The following ITPK1 variants were observed in gnomAD, a reference collection of about 807,000 sequenced individuals.
ITPK1 encodes the protein inositol-tetrakisphosphate 1-kinase, also known as inositol 1,3,4-trisphosphate 5/6-kinase.
In ITPK1, 21 loss-of-function variants were observed where a neutral mutation model predicts 45.3. The ratio of observed to expected loss-of-function variants is 0.46; its 90% CI spans 0.33 to 0.67. The LOEUF (loss-of-function observed/expected upper bound fraction) is 0.67. ITPK1 is among the 30% of genes least tolerant of loss of function. The pLI, the probability that ITPK1 is intolerant of heterozygous loss-of-function variation, is 0.02. For missense variants in ITPK1, 474 were observed against 573.5 expected (o/e 0.83, Z 1.77); for synonymous variants, 258 against 253.6 (o/e 1.02, Z -0.16).
intron 3 of ITPK1, among the ~76,000 whole-genome samples, chr14:93,022,357 G>A (rs1338223159): frequency 6.6e-6 from 1 of 152,110 alleles, no homozygotes; most frequent in African/African-American, 2.4e-5. Flanking sequence ...GCTAATGCTG[G>A]GCATGCCACC....
chr14:93,007,520 G>C (rs745910194), intron 4 of ITPK1, among the ~76,000 whole-genome samples: 2 of 152,172 alleles, frequency 1.3e-5, no homozygotes, highest in African/African-American at 2.4e-5. Context: ...TGCAGGGAGA[G>C]AACAGTCATC....
At position 93,049,759 on chromosome 14, in the gene ITPK1, G is replaced by A. The variant is rs1432640681; in HGVS notation, c.120+26836C>T. 5.1e-5 allele frequency among the ~76,000 whole-genome samples: 6 copies of A among 118,586 alleles called. No homozygotes were observed. In the Admixed American group the frequency reaches 5.7e-4, roughly 11 times the overall value. 77.8% of individuals were successfully genotyped at this position (118,586 alleles called of 152,430 possible). On this transcript the variant is annotated intron_variant, in intron 3 of 10. Coordinates refer to ENST00000267615, the MANE Select transcript of ITPK1 (RefSeq NM_014216.6). ...TCACAGAACAGAAGGACGGGGGTGG[G>A]GGGTGGGTAAGGAAATATCCAGAGG...
chr14:93,061,395 C>T (rs909988399), intron 3 of ITPK1, among the ~76,000 whole-genome samples: 4 of 152,186 alleles, frequency 2.6e-5, no homozygotes, highest in Admixed American at 2.0e-4. Context: ...CCTTCCTCCT[C>T]TCCCTGGGGT....
At chr14:92,970,071 A>G (rs1349027191) in intron 5 of ITPK1, among the ~76,000 whole-genome samples, 4 of 152,126 alleles carry the variant, frequency 2.6e-5, no homozygotes, top group South Asian at 4.1e-4. Context: ...CATCCACTCC[A>G]CCAGGTGACC....
chr14:93,102,714 C>T lies in ITPK1; in HGVS notation c.95+12355G>A, dbSNP rs111740659. On this transcript the variant is annotated intron_variant, in intron 2 of 10. Coordinates refer to ENST00000267615, the MANE Select transcript of ITPK1 (RefSeq NM_014216.6). ...GCTCAAGCCTATAATCCCAACACTT[C>T]GGGAGGCTGAGACGGGCGATCGATC... Among the ~76,000 whole-genome samples the T allele has an allele frequency of 5.8e-3, 890 of 152,146 alleles. 8 individuals carry two copies. Among genetic ancestry groups the T allele is most frequent in the African/African-American group, 0.02 (831 of 41,490 alleles).
At chr14:92,963,015 C>T (rs1885172515) in intron 5 of ITPK1, 166 bp from the exon 6 acceptor site, 1 of 557,908 alleles carries the variant, frequency 1.8e-6, no homozygotes, top group Non-Finnish European at 3.2e-6. Context: ...TGAACAATAA[C>T]CACAGCCCTG....
chr14:92,938,181 A>G lies in ITPK1; in HGVS notation c.*3380T>C, dbSNP rs985161653. 5 of 481,310 alleles carry G rather than the reference A, an allele frequency of 1.0e-5. No individual in the cohort carries two copies. Among genetic ancestry groups the G allele is most frequent in the South Asian group, 5.7e-5 (2 of 35,188 alleles). 29.8% of individuals were successfully genotyped at this position (481,310 alleles called of 1,614,324 possible). On this transcript the variant is annotated 3_prime_UTR_variant, in exon 11 of 11. Transcript: ENST00000267615. The stretch of plus-strand genomic sequence containing the variant: ...CACCATGTTGGCCAGGATGGTGTCG[A>G]TCTCTTGACCTTGTGATCCACCTGC...
rs1887169649 is a variant in ITPK1 at position 92,937,204 on chromosome 14, T to C, written c.*4357A>G. The C allele has an allele frequency of 2.6e-5, 4 of 152,272 alleles. No individual in the cohort carries two copies. The South Asian group carries it at 6.2e-4, about 24-fold the overall frequency. 9.4% of individuals were successfully genotyped at this position (152,272 alleles called of 1,614,324 possible). On this transcript the variant is annotated 3_prime_UTR_variant, in exon 11 of 11. Coordinates refer to ENST00000267615, the MANE Select transcript of ITPK1 (RefSeq NM_014216.6). Reference sequence around the variant, plus strand: ...ATCTCATACATGGTCATGTATATTATGCATATGTATGTACACAAATTAAGT... The same window carrying C: ...ATCTCATACATGGTCATGTATATTACGCATATGTATGTACACAAATTAAGT...
rs970193010 is a variant in ITPK1, at chr14:93,012,235, A to C, written c.246+4441T>G. On this transcript the variant is annotated intron_variant, in intron 4 of 10. Transcript: ENST00000267615. The surrounding 1 kb of genome is among the most constrained non-coding windows in gnomAD (Gnocchi z 4.9). ...ACACAATCCCTGCCGCAGTGAAGGG[A>C]CAGACAATAGCCACTGATAAAGAAT... Among the ~76,000 whole-genome samples, 1 of 152,230 alleles carries C rather than the reference A, an allele frequency of 6.6e-6. No homozygotes were observed. The highest frequency in any genetic ancestry group is 1.5e-5 in the Non-Finnish European group (1 of 68,034).
intron 10 of ITPK1, among the ~76,000 whole-genome samples, chr14:92,944,823 T>C (rs895779137): frequency 6.6e-6 from 1 of 152,140 alleles, no homozygotes; most frequent in Non-Finnish European, 1.5e-5. Context: ...TCCTCCCCAC[T>C]GCACCCAGAG....
chr14:92,957,401 T>C lies in ITPK1; in HGVS notation c.670+800A>G, dbSNP rs1033637056. Among the ~76,000 whole-genome samples, 16 of 152,214 alleles carry C rather than the reference T, an allele frequency of 1.1e-4. 1 individual carries two copies. Among genetic ancestry groups the C allele is most frequent in the African/African-American group, 3.4e-4 (14 of 41,448 alleles). The stretch of plus-strand genomic sequence containing the variant: ...CCTTAGAGATGCCTTCAGAAGCCAC[T>C]AGAACATCCTTTCGAGCAGCTCCAC... On this transcript the variant is annotated intron_variant, in intron 8 of 10. Coordinates refer to ENST00000267615, the MANE Select transcript of ITPK1 (RefSeq NM_014216.6).
At chr14:93,098,735 C>T (rs1469178657) in intron 2 of ITPK1, among the ~76,000 whole-genome samples, 3 of 152,220 alleles carry the variant, frequency 2.0e-5, no homozygotes, top group Non-Finnish European at 4.4e-5. Context: ...CACCGAAAGG[C>T]CCATGAAGCT....
intron 2 of ITPK1, among the ~76,000 whole-genome samples, chr14:93,091,618 G>C (rs1011760497): frequency 6.6e-6 from 1 of 152,200 alleles, no homozygotes; most frequent in Non-Finnish European, 1.5e-5. Context: ...AAAATAGCAC[G>C]GTGGCTGGGC....
chr14:92,969,826 T>C (rs1885560184), intron 5 of ITPK1, among the ~76,000 whole-genome samples: 1 of 152,150 alleles, frequency 6.6e-6, no homozygotes, highest in African/African-American at 2.4e-5. Context: ...TTTGGTTGGA[T>C]GGTGGGTTGT....
chr14:92,976,982 C>T (rs746166833), intron 5 of ITPK1, among the ~76,000 whole-genome samples: 2 of 152,240 alleles, frequency 1.3e-5, no homozygotes, highest in Non-Finnish European at 2.9e-5. Context: ...AACACTGTAG[C>T]CAGTCCCAGA....
intron 8 of ITPK1, among the ~76,000 whole-genome samples, chr14:92,956,793 T>G (rs1313242966): frequency 6.6e-6 from 1 of 152,142 alleles, no homozygotes; most frequent in Non-Finnish European, 1.5e-5. Context: ...AACAGCATTT[T>G]AAAAAATGTC....
intron 5 of ITPK1, among the ~76,000 whole-genome samples, chr14:92,971,809 A>G (rs1425961648): frequency 1.3e-5 from 2 of 152,210 alleles, no homozygotes; most frequent in Admixed American, 1.3e-4. Flanking sequence ...GGACGCGGTG[A>G]GGCCACGCCC....
chr14:93,087,830 C>T (rs1891707803), intron 2 of ITPK1, among the ~76,000 whole-genome samples: 1 of 152,200 alleles, frequency 6.6e-6, no homozygotes, highest in African/African-American at 2.4e-5. Flanking sequence ...TTGCACGGTA[C>T]CCGCAGATTC....
chr14:93,003,524 G>A (rs1887457441), intron 4 of ITPK1, among the ~76,000 whole-genome samples: 1 of 152,224 alleles, frequency 6.6e-6, no homozygotes, highest in Non-Finnish European at 1.5e-5. Context: ...CTGGCATAGG[G>A]TTGGAGTTGG....
Sources: allele counts gnomAD v4.1 joint callset (sites outside exome capture counted in the v4.1 genomes callset), GRCh38; gene constraint gnomAD v4.1.1; non-coding constraint Gnocchi (gnomAD v3.1); transcripts MANE v1.5; gene names NCBI Gene and HGNC (gene_info 2026-07-23, HGNC 2026-07-21).